The following PDPK1 variants were observed in gnomAD, a reference collection of about 807,000 sequenced individuals.
PDPK1 encodes the protein 3-phosphoinositide dependent protein kinase 1, also known as 3-phosphoinositide-dependent protein kinase 1.
A neutral mutation model predicts 39.8 loss-of-function variants in PDPK1; 7 were observed. That is an observed-to-expected ratio of 0.18 (90% CI 0.10 to 0.33). PDPK1 has a LOEUF of 0.33. PDPK1 is among the 10% of genes least tolerant of loss of function. PDPK1 has a pLI of 1.00. For synonymous variants in PDPK1, 118 were observed against 159.1 expected (o/e 0.74, Z 1.95); for missense variants, 182 against 384.7 (o/e 0.47, Z 4.41).
chr16:2,579,939 G>GAAAAAGA (rs1371018343), intron 7 of PDPK1: 1 of 136,964 alleles, frequency 7.3e-6, no homozygotes, highest in Non-Finnish European at 1.6e-5. Context: ...TCTCAAAAAA[G>GAAAAAGA]AAAAAGAAAA....
intron 1 of PDPK1, among the ~76,000 whole-genome samples, chr16:2,550,126 G>A (rs1464196187): frequency 1.4e-5 from 2 of 147,492 alleles, no homozygotes; most frequent in Non-Finnish European, 3.0e-5. Context: ...GATGCCGATG[G>A]TACCCACCCC....
intron 1 of PDPK1, among the ~76,000 whole-genome samples, chr16:2,544,428 G>A (rs1381576723): frequency 2.0e-5 from 3 of 152,186 alleles, no homozygotes; most frequent in South Asian, 4.1e-4. Context: ...ACTGGACTGA[G>A]GATGAACCTT....
At chr16:2,552,579 C>G (rs2141952842) in intron 1 of PDPK1, among the ~76,000 whole-genome samples, 1 of 136,280 alleles carries the variant, frequency 7.3e-6, no homozygotes, top group African/African-American at 2.9e-5. Flanking sequence ...GGGGCAGTGA[C>G]TCGTCATTGA....
intron 6 of PDPK1, chr16:2,577,043 T>TAAACA: frequency 2.7e-6 from 1 of 364,540 alleles, no homozygotes; most frequent in Non-Finnish European, 5.0e-6. Context: ...CCAAGCTGTT[T>TAAACA]GTGATGGAAA....
Position 2,602,558 on chromosome 16 carries a change from G to C in PDPK1, c.*4791G>C, listed in dbSNP as rs1322262330. On this transcript the variant is annotated 3_prime_UTR_variant, in exon 14 of 14. Coordinates refer to ENST00000342085, the MANE Select transcript of PDPK1 (RefSeq NM_002613.5). ...CCTAACCACCTGGCAGAATGACTAC[G>C]AATAGGGGTCATTGTGCTGGTAAAA... 4.3e-6 allele frequency: 1 copy of C among 234,788 alleles called. No individual in the cohort carries two copies. The highest frequency in any genetic ancestry group is 5.6e-5 in the Admixed American group (1 of 17,788). The allele number at this position is 234,788 out of a possible 1,614,324, so 14.5% of individuals were successfully genotyped here. A position where few individuals can be genotyped will look rare whatever the true frequency, so the allele number is the denominator to read the frequency against.
Position 2,593,052 on chromosome 16 carries a change from A to C in PDPK1, c.1344-2741A>C, listed in dbSNP as rs1229237605. 1 of 456,440 alleles carries C rather than the reference A, an allele frequency of 2.2e-6. No homozygotes were observed. The highest frequency in any genetic ancestry group is 2.0e-5 in the African/African-American group (1 of 50,110). The allele number at this position is 456,440 out of a possible 1,614,324, so 28.3% of individuals were successfully genotyped here. A position where few individuals can be genotyped will look rare whatever the true frequency, so the allele number is the denominator to read the frequency against. ...TTTTTTCTCAGGATGGATTTCTGGA[A>C]GCGAGGCTACTTCTCAGTACTATTT... is the stretch of plus-strand genomic sequence containing the variant. On this transcript the variant is annotated intron_variant, in intron 11 of 13. Transcript: ENST00000342085. The surrounding 1 kb of genome is among the most constrained non-coding windows in gnomAD (Gnocchi z 4.2).
chr16:2,591,004 C>G (rs1175139122), intron 11 of PDPK1, among the ~76,000 whole-genome samples: 2 of 151,118 alleles, frequency 1.3e-5, no homozygotes, highest in Non-Finnish European at 2.9e-5. Context: ...ATTCTGTCGC[C>G]CAGGCTGGAG....
At chr16:2,542,283 C>G (rs2066259088) in intron 1 of PDPK1, among the ~76,000 whole-genome samples, 1 of 152,146 alleles carries the variant, frequency 6.6e-6, no homozygotes, top group African/African-American at 2.4e-5. Context: ...CCTCAGGCTC[C>G]CAAGTAGCTG....
intron 1 of PDPK1, among the ~76,000 whole-genome samples, chr16:2,541,335 C>T (rs545286875): frequency 2.4e-4 from 36 of 152,316 alleles, no homozygotes; most frequent in African/African-American, 7.9e-4. Flanking sequence ...TGCTCCAGGG[C>T]AGCTGATTGA....
rs535107274 is a variant in PDPK1, at chr16:2,601,654, G to A, written c.*3887G>A. ...GCAAAGCCTCTTTGAAAAAAACCAC[G>A]TAGCTGATTGGGTTTTACAAGAGTG... On this transcript the variant is annotated 3_prime_UTR_variant, in exon 14 of 14. Coordinates refer to ENST00000342085, the MANE Select transcript of PDPK1 (RefSeq NM_002613.5). 5.5e-4 allele frequency: 127 copies of A among 231,596 alleles called. 1 individual carries two copies. The highest frequency in any genetic ancestry group is 2.7e-3 in the African/African-American group (121 of 45,140). 14.3% of individuals were successfully genotyped at this position (231,596 alleles called of 1,614,324 possible). A position where few individuals can be genotyped will look rare whatever the true frequency, so the allele number is the denominator to read the frequency against.
At chr16:2,544,728 C>T (rs1300340215) in intron 1 of PDPK1, among the ~76,000 whole-genome samples, 34 of 151,322 alleles carry the variant, frequency 2.2e-4, no homozygotes, top group Admixed American at 3.9e-4. Context: ...GGACCACAGG[C>T]GCCTGCCACC....
chr16:2,539,728 T>C (rs1269772068), intron 1 of PDPK1, among the ~76,000 whole-genome samples: 1 of 152,182 alleles, frequency 6.6e-6, no homozygotes, highest in Admixed American at 6.5e-5. Flanking sequence ...CCGAGAGTTA[T>C]GTCGAAGTTT....
At chr16:2,551,468 G>A (rs1445829358) in intron 1 of PDPK1, among the ~76,000 whole-genome samples, 17 of 150,674 alleles carry the variant, frequency 1.1e-4, no homozygotes, top group African/African-American at 4.1e-4. Context: ...CCTGGAGAGA[G>A]CAGTTCCTGC....
chr16:2,540,823 A>G lies in PDPK1; in HGVS notation c.24+2687A>G, dbSNP rs145512032. 1.3e-3 allele frequency among the ~76,000 whole-genome samples: 200 copies of G among 152,324 alleles called. 1 individual carries two copies. The highest frequency in any genetic ancestry group is 4.6e-3 in the African/African-American group (193 of 41,570). Reference sequence around the variant, plus strand: ...TCCCTTTGGAACAAAGAAACATGTAATGATTTTGCTGAAGGTAGAATTGGG... The same window carrying G: ...TCCCTTTGGAACAAAGAAACATGTAGTGATTTTGCTGAAGGTAGAATTGGG... On this transcript the variant is annotated intron_variant, in intron 1 of 13. Transcript: ENST00000342085.
intron 11 of PDPK1, chr16:2,594,182 G>T (rs1227225530): frequency 6.6e-6 from 1 of 152,310 alleles, no homozygotes; most frequent in Non-Finnish European, 1.5e-5. Context: ...TTGGCCCTGT[G>T]TGCAGCCAGG....
At chr16:2,543,796 A>G (rs1376012088) in intron 1 of PDPK1, among the ~76,000 whole-genome samples, 1 of 151,832 alleles carries the variant, frequency 6.6e-6, no homozygotes, top group Non-Finnish European at 1.5e-5. Context: ...ATCTCGGCTC[A>G]CCGCAACCTC....
At chr16:2,544,489 A>C (rs550638224) in intron 1 of PDPK1, among the ~76,000 whole-genome samples, 3 of 152,248 alleles carry the variant, frequency 2.0e-5, no homozygotes, top group Non-Finnish European at 2.9e-5. Flanking sequence ...AATAGTTGAA[A>C]GCATAGTACA....
In PDPK1 at chr16:2,593,003, C is replaced by T. The variant is rs2067022690; in HGVS notation, c.1344-2790C>T. 2.2e-6 allele frequency: 1 copy of T among 456,660 alleles called. No individual in the cohort carries two copies. The highest frequency in any genetic ancestry group is 4.4e-6 in the Non-Finnish European group (1 of 226,954). The allele number at this position is 456,660 out of a possible 1,614,324, so 28.3% of individuals were successfully genotyped here. On this transcript the variant is annotated intron_variant, in intron 11 of 13. Transcript: ENST00000342085. This position sits in a 1 kb window ranked among gnomAD's most constrained non-coding sequence, Gnocchi z 4.2. ...ATGGGTGACACTGCTGGGAGTGCCT[C>T]TGGGCTCCTTGCCTGTGGCCTTTTT... is the stretch of plus-strand genomic sequence containing the variant.
chr16:2,586,884 G>T lies in PDPK1; in HGVS notation c.1334G>T (p.Gly445Val), dbSNP rs533780852. The T allele has an allele frequency of 1.2e-6, 2 of 1,614,110 alleles. No homozygotes were observed. Among genetic ancestry groups the T allele is most frequent in the South Asian group, 1.1e-5 (1 of 91,058 alleles). Residue 445 changes from glycine (G) to valine (V), a missense_variant, in exon 11 of 14, where the codon GGA (glycine) becomes GTA (valine). Gly to Val is a moderately radical substitution (Grantham distance 109, BLOSUM62 -3). Transcript: ENST00000342085. ...KRLLLEKQAG[G>V]NPWHQFVENN... Reference sequence around the variant, plus strand: ...TTGTTGTTGGAGAAGCAGGCTGGCGGAAACCCTTGGTAAGAACTTATGGAC... The same window carrying T: ...TTGTTGTTGGAGAAGCAGGCTGGCGTAAACCCTTGGTAAGAACTTATGGAC...
Sources: gnomAD v4.1 joint callset for allele counts (sites outside exome capture counted in the v4.1 genomes callset) on GRCh38, gnomAD v4.1.1 for gene constraint, Gnocchi (gnomAD v3.1) non-coding constraint, MANE v1.5 for transcripts, NCBI Gene and HGNC (gene_info 2026-07-23, HGNC 2026-07-21) for gene names.